Variants in OR1J2 observed in about 807,000 individuals in gnomAD.
The protein encoded by OR1J2 is olfactory receptor 1J2.
For synonymous variants in OR1J2, 142 were observed against 99.7 expected (o/e 1.42, Z -2.52); for missense variants, 304 against 246.1 (o/e 1.24, Z -1.57).
the OR1J2 span, among the ~76,000 whole-genome samples, chr9:122,577,865 A>G: frequency 7.3e-5 from 11 of 150,972 alleles, no homozygotes; most frequent in East Asian, 5.8e-4. Context: ...CCTTCATATC[A>G]TCAGTACCAA....
chr9:122,510,063 G>T (rs1473225203), upstream of OR1J2, among the ~76,000 whole-genome samples: 1 of 152,096 alleles, frequency 6.6e-6, no homozygotes, highest in Non-Finnish European at 1.5e-5. Flanking sequence ...CTAGGTGATG[G>T]GTTGATAGAT....
chr9:122,554,304 AGT>A, the OR1J2 span: 1 of 626,996 alleles, frequency 1.6e-6, no homozygotes, highest in East Asian at 2.8e-5. Context: ...AAAAAAAAAG[AGT>A]GTTTCATTCT....
the OR1J2 span, among the ~76,000 whole-genome samples, chr9:122,457,748 G>C: frequency 6.6e-6 from 1 of 152,020 alleles, no homozygotes; most frequent in Non-Finnish European, 1.5e-5. Context: ...TTAATAAAGG[G>C]ATGGGAATTA....
chr9:122,479,899 C>A, the OR1J2 span, among the ~76,000 whole-genome samples: 1 of 152,148 alleles, frequency 6.6e-6, no homozygotes, highest in South Asian at 2.1e-4. Context: ...AAAACTTTTA[C>A]TGGGCTTAGT....
the OR1J2 span, chr9:122,477,066 T>C: frequency 1.2e-6 from 2 of 1,614,076 alleles, no homozygotes; most frequent in Non-Finnish European, 1.7e-6. Context: ...TGTAAATGAA[T>C]GGGTTCAACA....
the OR1J2 span, among the ~76,000 whole-genome samples, chr9:122,546,241 A>AT: frequency 1.0e-3 from 154 of 152,278 alleles, no homozygotes; most frequent in African/African-American, 3.6e-3. Flanking sequence ...AAAGTAAATA[A>AT]TTTGTGGCAA....
chr9:122,479,563 C>T, the OR1J2 span, among the ~76,000 whole-genome samples: 21 of 152,190 alleles, frequency 1.4e-4, no homozygotes, highest in African/African-American at 3.1e-4. Context: ...AGTGTAATTA[C>T]GAAAAATTCA....
chr9:122,468,033 C>T, the OR1J2 span, among the ~76,000 whole-genome samples: 3 of 152,180 alleles, frequency 2.0e-5, no homozygotes, highest in South Asian at 6.2e-4. Context: ...TTCCTATTTT[C>T]TCAAATGTTA....
chr9:122,532,808 T>G, the OR1J2 span, among the ~76,000 whole-genome samples: 1 of 152,100 alleles, frequency 6.6e-6, no homozygotes, highest in Admixed American at 6.5e-5. Flanking sequence ...CCCGGCTCTT[T>G]TGTAATAATT....
chr9:122,448,986 A>C, the OR1J2 span: 12 of 151,846 alleles, frequency 7.9e-5, no homozygotes, highest in Non-Finnish European at 1.6e-4. Context: ...AAAAAAAAAA[A>C]AAAAAACAAG....
chr9:122,549,541 T>C, the OR1J2 span, among the ~76,000 whole-genome samples: 115,625 of 152,134 alleles, frequency 0.76, 44,545 homozygotes, highest in East Asian at 0.99. Context: ...TTTTTGTATA[T>C]GGTGAGAAAT....
the OR1J2 span, among the ~76,000 whole-genome samples, chr9:122,533,806 G>T: frequency 1.3e-5 from 2 of 152,088 alleles, no homozygotes; most frequent in African/African-American, 2.4e-5. Flanking sequence ...TTAAGAAGGG[G>T]ACGGACTTAC....
chr9:122,493,339 TTCTTC>T, the OR1J2 span, among the ~76,000 whole-genome samples: 1 of 152,180 alleles, frequency 6.6e-6, no homozygotes, highest in Non-Finnish European at 1.5e-5. Flanking sequence ...TTTTGGACTT[TTCTTC>T]GTTGGCATTT....
the OR1J2 span, among the ~76,000 whole-genome samples, chr9:122,531,207 G>A: frequency 6.6e-6 from 1 of 152,140 alleles, no homozygotes. Flanking sequence ...GGGTGATATT[G>A]TGGGGTTGTT....
At chr9:122,574,004 T>C in the OR1J2 span, among the ~76,000 whole-genome samples, 1 of 152,344 alleles carries the variant, frequency 6.6e-6, no homozygotes, top group East Asian at 1.9e-4. Flanking sequence ...TGCTCCGTTA[T>C]ATGTCTTTGC....
At chr9:122,487,427 A>G in the OR1J2 span, among the ~76,000 whole-genome samples, 105 of 150,808 alleles carry the variant, frequency 7.0e-4, no homozygotes, top group African/African-American at 2.4e-3. Context: ...GCACATGTGT[A>G]CTCATCTGCA....
chr9:122,453,070 G>A, the OR1J2 span, among the ~76,000 whole-genome samples: 7 of 147,806 alleles, frequency 4.7e-5, no homozygotes, highest in Non-Finnish European at 8.9e-5. Context: ...GCACCTGCCC[G>A]TATCCCCGCC....
At chr9:122,453,028 C>CAA in the OR1J2 span, among the ~76,000 whole-genome samples, 23 of 93,326 alleles carry the variant, frequency 2.5e-4, no homozygotes, top group Admixed American at 8.2e-4. Context: ...AGCTTCGTCT[C>CAA]AAAAAAAAAA....
the OR1J2 span, among the ~76,000 whole-genome samples, chr9:122,546,011 T>C: frequency 6.6e-6 from 1 of 152,052 alleles, no homozygotes; most frequent in Admixed American, 6.6e-5. Context: ...ATATCACCAT[T>C]ATGTTAGGCA....
Sources: allele counts gnomAD v4.1 joint callset (sites outside exome capture counted in the v4.1 genomes callset), GRCh38; gene constraint gnomAD v4.1.1; transcripts MANE v1.5; gene names NCBI Gene and HGNC (gene_info 2026-07-23, HGNC 2026-07-21).